STRADA: variants seen among roughly 807,000 people sequenced by gnomAD.
STRADA encodes the protein STE20-related kinase adapter protein alpha.
A neutral mutation model predicts 55.0 loss-of-function variants in STRADA; 26 were observed. The ratio of observed to expected loss-of-function variants is 0.47; its 90% CI spans 0.35 to 0.66. STRADA has a LOEUF of 0.66. Ranked by LOEUF, STRADA falls within the 30% of genes least tolerant of loss-of-function variation. The probability of loss-of-function intolerance (pLI) is 0.01; values close to 1 mark genes in which losing one functional copy is unlikely to be tolerated. For missense variants in STRADA, 443 were observed against 549.7 expected, an observed-to-expected ratio of 0.81 and a Z score of 1.94; for synonymous variants, 197 against 210.9, an observed-to-expected ratio of 0.93 and a Z score of 0.57.
At chr17:63,721,240 C>T (rs1284587957) in intron 4 of STRADA, among the ~76,000 whole-genome samples, 1 of 151,786 alleles carries the variant, frequency 6.6e-6, no homozygotes, top group Admixed American at 6.6e-5. Context: ...GGCGTGGTGG[C>T]GGGTGCCTGT....
intron 1 of STRADA, among the ~76,000 whole-genome samples, chr17:63,735,742 G>A (rs1481472420): frequency 6.6e-6 from 1 of 152,198 alleles, no homozygotes; most frequent in Non-Finnish European, 1.5e-5. Context: ...AAAGCTGCAG[G>A]CTAGAATGTG....
intron 1 of STRADA, among the ~76,000 whole-genome samples, chr17:63,736,143 T>C (rs979233134): frequency 4.6e-5 from 7 of 152,002 alleles, no homozygotes; most frequent in Non-Finnish European, 7.4e-5. Flanking sequence ...GGCTTAACCA[T>C]GTTGGCCAGG....
chr17:63,707,551 A>G, intron 8 of STRADA, 133 bp from the exon 9 acceptor site: 1 of 772,784 alleles, frequency 1.3e-6, no homozygotes, highest in Non-Finnish European at 2.1e-6. Flanking sequence ...TATTTTACAT[A>G]TACATAACCA....
chr17:63,721,875 G>A (rs988827649), intron 4 of STRADA, among the ~76,000 whole-genome samples: 2 of 152,182 alleles, frequency 1.3e-5, no homozygotes, highest in African/African-American at 2.4e-5. Flanking sequence ...CTTCTACTTT[G>A]TGGATATTGT....
intron 1 of STRADA, among the ~76,000 whole-genome samples, chr17:63,736,717 C>A (rs2038451782): frequency 6.6e-6 from 1 of 151,118 alleles, no homozygotes; most frequent in Non-Finnish European, 1.5e-5. Context: ...AGGAATCAGT[C>A]AAAACTAGAA....
intron 1 of STRADA, among the ~76,000 whole-genome samples, chr17:63,730,046 G>A (rs1192050182): frequency 6.6e-6 from 1 of 152,058 alleles, no homozygotes; most frequent in East Asian, 2.0e-4. Flanking sequence ...ATGTTGGCCA[G>A]GCTAGTCTCG....
At position 63,735,231 on chromosome 17, in the gene STRADA, T is replaced by C. The variant is rs2038335595; in HGVS notation, c.-45+6510A>G. Among the ~76,000 whole-genome samples the C allele has an allele frequency of 3.3e-5, 5 of 152,194 alleles. No homozygotes were observed. The South Asian group carries it at 8.3e-4, about 25-fold the overall frequency. On this transcript the variant is annotated intron_variant, in intron 1 of 12. Coordinates refer to ENST00000336174, the MANE Select transcript of STRADA (RefSeq NM_001003787.4). ...AAGAATAATCAATAAGGTTAAAACA[T>C]GGCTAAAGGCTCATTAAGAGTAACC...
rs1419271082 is a variant in STRADA, at chr17:63,710,811, A to C, written c.374T>G (p.Phe125Cys). ...LQGELHVSKL[F>C]NHPNIVPYRA... ...ATATGGCACGATATTGGGATGGTTG[A>C]AGAGTTTGGAGACATGCAGCTCGCC... Residue 125 changes from phenylalanine to cysteine, a missense_variant, in exon 7 of 13, where the codon TTC (phenylalanine) becomes TGC (cysteine). Physicochemically the swap from Phe to Cys is radical, Grantham distance 205. Transcript: ENST00000336174. The C allele has an allele frequency of 6.2e-7, 1 of 1,614,220 alleles. No homozygotes were observed. Among genetic ancestry groups the C allele is most frequent in the Non-Finnish European group, 8.5e-7 (1 of 1,180,034 alleles).
At chr17:63,709,014 G>T (rs2036308589) in intron 8 of STRADA, among the ~76,000 whole-genome samples, 1 of 151,854 alleles carries the variant, frequency 6.6e-6, no homozygotes, top group African/African-American at 2.4e-5. Context: ...TCTTCTAATT[G>T]TCACCTTGGT....
In STRADA at chr17:63,722,947, C is replaced by T. The variant is rs150682639; in HGVS notation, c.123+351G>A. On this transcript the variant is annotated intron_variant, in intron 4 of 12. Transcript: ENST00000336174. ...AAATCTATTATTAATAAACTAAGGA[C>T]GGAAAATTTAATAACATTAGTCACT... Among the ~76,000 whole-genome samples the T allele has an allele frequency of 6.0e-3, 913 of 151,958 alleles. 19 individuals carry two copies. Among genetic ancestry groups the T allele is most frequent in the Middle Eastern group, 6.8e-3 (2 of 294 alleles).
At chr17:63,738,740 C>G (rs1216895076) in intron 1 of STRADA, among the ~76,000 whole-genome samples, 1 of 152,050 alleles carries the variant, frequency 6.6e-6, no homozygotes, top group East Asian at 1.9e-4. Context: ...CACCTGTAGT[C>G]TCAGCTACTC....
chr17:63,740,587 A>G (rs2038869647), intron 1 of STRADA, among the ~76,000 whole-genome samples: 1 of 152,194 alleles, frequency 6.6e-6, no homozygotes, highest in Admixed American at 6.5e-5. Flanking sequence ...CCTACGTGTC[A>G]GGCACTGTGC....
At chr17:63,740,489 G>C (rs1699013456) in intron 1 of STRADA, among the ~76,000 whole-genome samples, 1 of 151,936 alleles carries the variant, frequency 6.6e-6, no homozygotes, top group Admixed American at 6.6e-5. Context: ...TCCAGCCTGG[G>C]GGACGAGGGC....
chr17:63,740,145 T>TACACAC (rs753964028), intron 1 of STRADA, among the ~76,000 whole-genome samples: 569 of 42,882 alleles, frequency 0.013, 18 homozygotes, highest in Non-Finnish European at 0.017. Context: ...CATATATATA[T>TACACAC]ATACACACAC....
rs186274476 is a variant in STRADA, at chr17:63,711,994, A to T, written c.349-1158T>A. 5.9e-5 allele frequency among the ~76,000 whole-genome samples: 9 copies of T among 152,228 alleles called. No homozygotes were observed. The East Asian group carries it at 1.6e-3, about 26-fold the overall frequency. ...TTGATGGAGGAGAAGGCCAGCTGAG[A>T]CTGGCTTCTGCTCCATCCTCAGACC... On this transcript the variant is annotated intron_variant, in intron 6 of 12. Transcript: ENST00000336174.
At chr17:63,710,361 C>A in intron 8 of STRADA, 130 bp downstream of exon 8, 1 of 1,463,828 alleles carries the variant, frequency 6.8e-7, no homozygotes. Context: ...GCAAAGAGAT[C>A]TTCAGCAAGA....
chr17:63,719,787 A>G (rs2037165433), intron 4 of STRADA, among the ~76,000 whole-genome samples: 1 of 152,060 alleles, frequency 6.6e-6, no homozygotes, highest in Non-Finnish European at 1.5e-5. Flanking sequence ...CCCGGCAGAT[A>G]GATACTTCAT....
At chr17:63,713,624 T>C in intron 5 of STRADA, 97 bp from the exon 6 acceptor site, 1 of 1,510,702 alleles carries the variant, frequency 6.6e-7, no homozygotes, top group Admixed American at 2.2e-5. Flanking sequence ...CAAAAGAAAC[T>C]TAATGTTAAA....
At position 63,704,137 on chromosome 17, in the gene STRADA, CCT is replaced by C. The variant is rs2035905373; in HGVS notation, c.1101-92_1101-91del. 3.2e-6 allele frequency: 5 copies of C among 1,547,752 alleles called. No individual in the cohort carries two copies. The Admixed American group carries it at 5.9e-5, about 18-fold the overall frequency. ...CCACTTATGCCTCAGCCTCGGGTCC[CCT>C]CTCCCTCTCCCTCAGCTCATGGGAA... On this transcript the variant is annotated intron_variant, in intron 11 of 12. Coordinates refer to ENST00000336174, the MANE Select transcript of STRADA (RefSeq NM_001003787.4).
Sources: gnomAD v4.1 joint callset for allele counts (sites outside exome capture counted in the v4.1 genomes callset) on GRCh38, gnomAD v4.1.1 for gene constraint, MANE v1.5 for transcripts, NCBI Gene and HGNC (gene_info 2026-07-23, HGNC 2026-07-21) for gene names.